The following ARFGAP3 variants were observed in gnomAD, a reference collection of about 807,000 sequenced individuals.
The protein encoded by ARFGAP3 is ARF GTPase activating protein 3, also known as ADP-ribosylation factor GTPase-activating protein 3.
A neutral mutation model predicts 75.0 loss-of-function variants in ARFGAP3; 72 were observed. That is an observed-to-expected ratio of 0.96 (90% CI 0.79 to 1.17). The LOEUF (loss-of-function observed/expected upper bound fraction) is 1.17. Ranked by LOEUF, ARFGAP3 falls within the 50% of genes most tolerant of loss-of-function variation. ARFGAP3 has a pLI of 0.00. For missense variants in ARFGAP3, 620 were observed against 626.6 expected, an observed-to-expected ratio of 0.99 and a Z score of 0.11; for synonymous variants, 221 against 217.9, an observed-to-expected ratio of 1.01 and a Z score of -0.13.
At chr22:42,850,976 CT>C (rs1471280768) in intron 1 of ARFGAP3, among the ~76,000 whole-genome samples, 1 of 152,210 alleles carries the variant, frequency 6.6e-6, no homozygotes, top group East Asian at 1.9e-4. Flanking sequence ...TTCAAACGCC[CT>C]GTGGTGATGG....
chr22:42,820,969 GT>G (rs1925788053), intron 9 of ARFGAP3, among the ~76,000 whole-genome samples: 1 of 152,124 alleles, frequency 6.6e-6, no homozygotes, highest in South Asian at 2.1e-4. Flanking sequence ...TGAAGGAGCT[GT>G]TTCTCTTGGG....
chr22:42,844,261 T>A (rs189892110), intron 2 of ARFGAP3, among the ~76,000 whole-genome samples: 1 of 152,138 alleles, frequency 6.6e-6, no homozygotes, highest in East Asian at 1.9e-4. Flanking sequence ...TGAAGTGAAG[T>A]GGTGAGATCA....
chr22:42,835,458 A>C lies in ARFGAP3; in HGVS notation c.297T>G (p.Asn99Lys). 1 of 1,614,126 alleles carries C rather than the reference A, an allele frequency of 6.2e-7. No homozygotes were observed. The highest frequency in any genetic ancestry group is 8.5e-7 in the Non-Finnish European group (1 of 1,179,982). The change falls in exon 4 of 16, where the codon AAT becomes AAG. Residue 99 changes from asparagine (N) to lysine (K), a missense_variant. Physicochemically the swap from Asn to Lys is moderately conservative, Grantham distance 94. Coordinates refer to ENST00000263245, the MANE Select transcript of ARFGAP3 (RefSeq NM_014570.5). ...GACTGTTGTACTTGGCATTGGTGTCATTGGTGGAACACCCATGTTGATGAA... is the reference window on the plus strand; with the variant it reads ...GACTGTTGTACTTGGCATTGGTGTCCTTGGTGGAACACCCATGTTGATGAA... The part of the protein sequence containing the change: ...SFFHQHGCST[N>K]DTNAKYNSRA...
rs545845828 is a variant in ARFGAP3 at position 42,849,858 on chromosome 22, G to A, written c.70-2226C>T. 9.9e-5 allele frequency among the ~76,000 whole-genome samples: 15 copies of A among 152,120 alleles called. 1 individual carries two copies. The East Asian group carries it at 1.4e-3, about 14-fold the overall frequency. On this transcript the variant is annotated intron_variant, in intron 1 of 15. Transcript: ENST00000263245. ...ATTACAGGTGTGAGCCACCACGTCC[G>A]GCTCCTGTCACCTTACTTTCCTGTC...
chr22:42,847,485 C>G (rs1397705908), intron 2 of ARFGAP3, 29 bp downstream of exon 2: 9 of 1,575,208 alleles, frequency 5.7e-6, no homozygotes, highest in Middle Eastern at 1.7e-4. Context: ...TGTAATCAAT[C>G]TCACCCCAAT....
intron 6 of ARFGAP3, among the ~76,000 whole-genome samples, chr22:42,828,726 C>T (rs1926155096): frequency 7.5e-6 from 1 of 134,222 alleles, no homozygotes; most frequent in African/African-American, 2.7e-5. Context: ...TGTTCTGTTG[C>T]CCAGGCGGAG....
rs545623258 is a variant in ARFGAP3, at chr22:42,797,738, G to A, written c.1534-133C>T. 155 of 1,580,298 alleles carry A rather than the reference G, an allele frequency of 9.8e-5. 1 individual carries two copies. In the African/African-American group the frequency reaches 1.6e-3, roughly 16 times the overall value. ...GCATGTGACATGGACGCTGCACCCCGAGGGTGTGCTCATCTGGAAGCAGCC... is the reference window on the plus strand; with the variant it reads ...GCATGTGACATGGACGCTGCACCCCAAGGGTGTGCTCATCTGGAAGCAGCC... On this transcript the variant is annotated intron_variant, in intron 15 of 15. Transcript: ENST00000263245.
intron 1 of ARFGAP3, 120 bp from the exon 2 acceptor site, chr22:42,847,752 T>C: frequency 8.1e-7 from 1 of 1,234,368 alleles, no homozygotes; most frequent in Non-Finnish European, 1.0e-6. Context: ...ACTTTGGGAT[T>C]GTATTATTAG....
At chr22:42,798,580 CAG>C (rs1278342240) in intron 15 of ARFGAP3, among the ~76,000 whole-genome samples, 1 of 152,212 alleles carries the variant, frequency 6.6e-6, no homozygotes, top group Non-Finnish European at 1.5e-5. Flanking sequence ...CCCAGCATCA[CAG>C]AGAAAAAGCA....
At chr22:42,850,978 G>T (rs1425334405) in intron 1 of ARFGAP3, among the ~76,000 whole-genome samples, 1 of 152,244 alleles carries the variant, frequency 6.6e-6, no homozygotes, top group Non-Finnish European at 1.5e-5. Context: ...CAAACGCCCT[G>T]TGGTGATGGC....
Position 42,834,268 on chromosome 22 carries a change from A to T in ARFGAP3, c.451T>A (p.Phe151Ile). Residue 151 changes from phenylalanine (F) to isoleucine (I), a missense_variant, in exon 5 of 16, where the codon TTT becomes ATT. Transcript: ENST00000263245. ...TCAGGAGAAACGTGAGAGGCAAAAA[A>T]ATCTTCCTCCTTTGGTGGAGGGGAC... is the stretch of plus-strand genomic sequence containing the variant. ...PLSPPPKEED[F>I]FASHVSPEVS... is the part of the protein sequence containing the mutation. 2 of 1,614,046 alleles carry T rather than the reference A, an allele frequency of 1.2e-6. No individual in the cohort carries two copies. The highest frequency in any genetic ancestry group is 1.7e-6 in the Non-Finnish European group (2 of 1,180,000).
At chr22:42,801,885 G>A (rs532729835) in intron 14 of ARFGAP3, among the ~76,000 whole-genome samples, 3 of 152,278 alleles carry the variant, frequency 2.0e-5, no homozygotes, top group Admixed American at 6.5e-5. Flanking sequence ...GGGTAAATAC[G>A]GGTTGCGGGG....
chr22:42,817,174 GTCA>G lies in ARFGAP3; in HGVS notation c.1029_1031del (p.Asp344del), dbSNP rs1245163085. On this transcript the variant is annotated inframe_deletion, in exon 11 of 16. Coordinates refer to ENST00000263245, the MANE Select transcript of ARFGAP3 (RefSeq NM_014570.5). ...TGGAAGTAAAATATGAATCGTCACT[GTCA>G]TCATTATACTTTTTTCTTGGTTTTG... 6.2e-7 allele frequency: 1 copy of G among 1,613,086 alleles called. No homozygotes were observed.
At chr22:42,807,275 T>C (rs2273141) in intron 13 of ARFGAP3, 112 bp from the exon 14 acceptor site, 60,552 of 1,457,638 alleles carry the variant, frequency 0.042, 3,762 homozygotes, top group East Asian at 0.36. Context: ...AGGCTCTTTC[T>C]TTCCAACAGT....
At chr22:42,812,128 C>CG (rs1224806221) in intron 11 of ARFGAP3, among the ~76,000 whole-genome samples, 1 of 145,886 alleles carries the variant, frequency 6.9e-6, no homozygotes, top group Non-Finnish European at 1.5e-5. Context: ...GTCCCAGCTA[C>CG]TTGGGAGGCT....
chr22:42,843,918 A>G (rs1926894353), intron 2 of ARFGAP3, among the ~76,000 whole-genome samples: 1 of 152,182 alleles, frequency 6.6e-6, no homozygotes, highest in South Asian at 2.1e-4. Flanking sequence ...CCCTCTCCAT[A>G]TACTCTTAAT....
chr22:42,857,215 G>C lies in ARFGAP3; in HGVS notation c.-33C>G. The C allele has an allele frequency of 6.7e-7, 1 of 1,502,942 alleles. No individual in the cohort carries two copies. Among genetic ancestry groups the C allele is most frequent in the African/African-American group, 1.4e-5 (1 of 69,062 alleles). The allele number at this position is 1,502,942 out of a possible 1,614,324, so 93.1% of individuals were successfully genotyped here. On this transcript the variant is annotated 5_prime_UTR_variant, in exon 1 of 16. Coordinates refer to ENST00000263245, the MANE Select transcript of ARFGAP3 (RefSeq NM_014570.5). ...TGTGAGCCGCGGCGCAGCTGGCCCA[G>C]CCAACCGGTAAGAGTCGACGAAAAG...
At position 42,797,479 on chromosome 22, in the gene ARFGAP3, G is replaced by A; in HGVS notation, c.*109C>T. The stretch of plus-strand genomic sequence containing the variant: ...TCAGAAACATATACCATATGAAAAA[G>A]TAGCAAAACAATCTGCAAAACTATC... On this transcript the variant is annotated 3_prime_UTR_variant, in exon 16 of 16. Coordinates refer to ENST00000263245, the MANE Select transcript of ARFGAP3 (RefSeq NM_014570.5). The A allele has an allele frequency of 1.4e-6, 2 of 1,398,324 alleles. No individual in the cohort carries two copies. The highest frequency in any genetic ancestry group is 1.2e-5 in the South Asian group (1 of 84,518). 86.6% of individuals were successfully genotyped at this position (1,398,324 alleles called of 1,614,324 possible).
chr22:42,827,874 A>G (rs1046296883), intron 6 of ARFGAP3, among the ~76,000 whole-genome samples: 16 of 152,148 alleles, frequency 1.1e-4, no homozygotes, highest in Non-Finnish European at 1.9e-4. Context: ...GCGTGAGCTC[A>G]GGAGTTCGAG....
Sources: allele counts gnomAD v4.1 joint callset (sites outside exome capture counted in the v4.1 genomes callset), GRCh38; gene constraint gnomAD v4.1.1; transcripts MANE v1.5; gene names NCBI Gene and HGNC (gene_info 2026-07-23, HGNC 2026-07-21).